The following HTR1F variants were observed in gnomAD, a reference collection of about 807,000 sequenced individuals.
The protein encoded by HTR1F is 5-hydroxytryptamine receptor 1F.
A neutral mutation model predicts 24.0 loss-of-function variants in HTR1F; 17 were observed. The observed-to-expected ratio is 0.71, with a 90% confidence interval of 0.48 to 1.06. The LOEUF (loss-of-function observed/expected upper bound fraction) is 1.06, where lower values mean the gene tolerates loss of function less well. HTR1F is among the 50% of genes least tolerant of loss of function. The pLI is 0.00. For missense variants in HTR1F, 391 were observed against 427.8 expected, an observed-to-expected ratio of 0.91 and a Z score of 0.76; for synonymous variants, 186 against 156.8, an observed-to-expected ratio of 1.19 and a Z score of -1.39.
intron 2 of HTR1F, among the ~76,000 whole-genome samples, chr3:87,949,926 A>G (rs1337725798): frequency 6.6e-6 from 1 of 152,148 alleles, no homozygotes; most frequent in Non-Finnish European, 1.5e-5. Context: ...GGTTTATTTA[A>G]CTGATGGTTC....
At chr3:87,805,974 CT>C (rs1419947899) in intron 1 of HTR1F, among the ~76,000 whole-genome samples, 2 of 152,060 alleles carry the variant, frequency 1.3e-5, no homozygotes, top group East Asian at 1.9e-4. Flanking sequence ...ATGAGAGCAA[CT>C]TTTTTTAGCT....
At chr3:87,953,115 G>A (rs547607060) in intron 2 of HTR1F, among the ~76,000 whole-genome samples, 10 of 151,522 alleles carry the variant, frequency 6.6e-5, no homozygotes, top group African/African-American at 2.4e-4. Flanking sequence ...TAAATATAGG[G>A]AAAACATTTC....
In HTR1F at chr3:87,990,856, T is replaced by C; in HGVS notation, c.107T>C (p.Met36Thr). ...CTCACTCTGTCTGGGCTGGCACTGA[T>C]GACAACAACTATCAACTCCCTTGTG... ...VSLTLSGLAL[M>T]TTTINSLVIA... is the part of the protein sequence containing the mutation. The change falls in exon 3 of 3, where the codon ATG (methionine) becomes ACG (threonine). Residue 36 changes from methionine (M) to threonine (T), a missense_variant. By Grantham distance (81) the Met-to-Thr change is moderately conservative. Coordinates refer to ENST00000319595, the MANE Select transcript of HTR1F (RefSeq NM_001322209.2). 2 of 1,614,236 alleles carry C rather than the reference T, an allele frequency of 1.2e-6. No homozygotes were observed. Among genetic ancestry groups the C allele is most frequent in the Non-Finnish European group, 1.7e-6 (2 of 1,180,038 alleles).
chr3:87,844,369 G>C (rs1222173041), intron 2 of HTR1F, among the ~76,000 whole-genome samples: 1 of 136,588 alleles, frequency 7.3e-6, no homozygotes, highest in Non-Finnish European at 1.5e-5. Context: ...ACTTTTTGAT[G>C]GGGTTGTTTG....
chr3:87,935,320 G>T (rs1002267616), intron 2 of HTR1F, among the ~76,000 whole-genome samples: 1 of 152,150 alleles, frequency 6.6e-6, no homozygotes, highest in Non-Finnish European at 1.5e-5. Context: ...TCACCAACAG[G>T]TTCTATTGTT....
chr3:87,907,201 T>C (rs185057277), intron 2 of HTR1F, among the ~76,000 whole-genome samples: 1 of 151,686 alleles, frequency 6.6e-6, no homozygotes, highest in Non-Finnish European at 1.5e-5. Context: ...ACATTTATTT[T>C]TTTTTTTGAT....
intron 2 of HTR1F, among the ~76,000 whole-genome samples, chr3:87,886,191 C>A (rs1325173340): frequency 6.6e-6 from 1 of 152,142 alleles, no homozygotes; most frequent in Non-Finnish European, 1.5e-5. Flanking sequence ...TCAACATTCA[C>A]AAATCAATAA....
At chr3:87,830,755 G>A (rs2107150941) in intron 2 of HTR1F, among the ~76,000 whole-genome samples, 1 of 152,220 alleles carries the variant, frequency 6.6e-6, no homozygotes, top group South Asian at 2.1e-4. Context: ...CTCTAACTGT[G>A]AACACCAACA....
At chr3:87,845,075 A>G (rs1704908483) in intron 2 of HTR1F, among the ~76,000 whole-genome samples, 1 of 151,718 alleles carries the variant, frequency 6.6e-6, no homozygotes, top group Non-Finnish European at 1.5e-5. Context: ...TATTGATGGG[A>G]CATATTTCAA....
chr3:87,955,588 A>T (rs1316420788), intron 2 of HTR1F, among the ~76,000 whole-genome samples: 1 of 151,530 alleles, frequency 6.6e-6, no homozygotes, highest in African/African-American at 2.4e-5. Flanking sequence ...ATTGTCAGCC[A>T]TATTTGTTTA....
In HTR1F at chr3:87,799,163, A is replaced by C. The variant is rs1416627694; in HGVS notation, c.-160+6321A>C. ...GGAATCTTTCCCAGGCTTTCTTATA[A>C]AAAAATTTCATCAGCTACTGTAATT... On this transcript the variant is annotated intron_variant, in intron 1 of 2. Transcript: ENST00000319595. 3.9e-5 allele frequency among the ~76,000 whole-genome samples: 6 copies of C among 152,196 alleles called. No individual in the cohort carries two copies. In the South Asian group the frequency reaches 6.2e-4, roughly 16 times the overall value.
chr3:87,895,457 C>T (rs1295817725), intron 2 of HTR1F, among the ~76,000 whole-genome samples: 1 of 151,866 alleles, frequency 6.6e-6, no homozygotes, highest in African/African-American at 2.4e-5. Flanking sequence ...TATATACACA[C>T]AAATAATATT....
Position 87,990,791 on chromosome 3 carries a change from G to A in HTR1F, c.42G>A (p.Glu14=), listed in dbSNP as rs1163859322. 1.9e-6 allele frequency: 3 copies of A among 1,613,602 alleles called. No homozygotes were observed. In the Admixed American group the frequency reaches 5.0e-5, roughly 27 times the overall value. Reference sequence around the variant, plus strand: ...CATCTGATCAAAACTTGACCTCAGAGGAACTGTTAAACAGAATGCCATCCA... The same window carrying A: ...CATCTGATCAAAACTTGACCTCAGAAGAACTGTTAAACAGAATGCCATCCA... ...LNSSDQNLTS[E]ELLNRMPSKI... is the part of the protein sequence containing the mutation. The change falls in exon 3 of 3, where the codon GAG becomes GAA. Residue 14 remains glutamate (E), a synonymous_variant. Transcript: ENST00000319595.
At chr3:87,845,145 T>C (rs1212875948) in intron 2 of HTR1F, among the ~76,000 whole-genome samples, 2 of 151,612 alleles carry the variant, frequency 1.3e-5, no homozygotes, top group Non-Finnish European at 2.9e-5. Context: ...GGGCAAAAAC[T>C]GGAAGCATTC....
At chr3:87,827,935 G>A (rs1253408915) in intron 2 of HTR1F, among the ~76,000 whole-genome samples, 1 of 152,016 alleles carries the variant, frequency 6.6e-6, no homozygotes, top group African/African-American at 2.4e-5. Context: ...AACTTCTCTG[G>A]CTACCTGCAC....
intron 1 of HTR1F, among the ~76,000 whole-genome samples, chr3:87,795,543 G>A (rs937987320): frequency 1.3e-5 from 2 of 152,096 alleles, no homozygotes; most frequent in African/African-American, 2.4e-5. Flanking sequence ...TAAACAAGAT[G>A]CTGTGTGTTG....
chr3:87,977,426 T>G (rs1576112493), intron 2 of HTR1F, among the ~76,000 whole-genome samples: 1 of 129,204 alleles, frequency 7.7e-6, no homozygotes, highest in Non-Finnish European at 1.6e-5. Flanking sequence ...TGAGACGGAG[T>G]CTCACTCTGT....
intron 2 of HTR1F, among the ~76,000 whole-genome samples, chr3:87,841,341 T>A (rs1704798460): frequency 1.3e-5 from 2 of 152,074 alleles, no homozygotes; most frequent in African/African-American, 4.8e-5. Context: ...TCTCTAGGAT[T>A]TTCTTAGTCC....
chr3:87,911,213 G>A (rs1020839649), intron 2 of HTR1F, among the ~76,000 whole-genome samples: 1 of 151,516 alleles, frequency 6.6e-6, no homozygotes, highest in Non-Finnish European at 1.5e-5. Flanking sequence ...CAAGATAGTC[G>A]ACTAGCTAGA....
Sources: allele counts gnomAD v4.1 joint callset (sites outside exome capture counted in the v4.1 genomes callset), GRCh38; gene constraint gnomAD v4.1.1; transcripts MANE v1.5; gene names NCBI Gene and HGNC (gene_info 2026-07-23, HGNC 2026-07-21).